The following CROCC variants were observed in gnomAD, a reference collection of about 807,000 sequenced individuals.
The protein encoded by CROCC is ciliary rootlet coiled-coil, rootletin.
A neutral mutation model predicts 245.2 loss-of-function variants in CROCC; 180 were observed. That is an observed-to-expected ratio of 0.73 (90% confidence interval 0.65 to 0.83). CROCC has a LOEUF of 0.83. Among genes scored for constraint, CROCC ranks in the 40% least tolerant of loss-of-function variants. CROCC has a pLI of 0.00. For missense variants in CROCC, 2,688 were observed against 2,779.4 expected, an observed-to-expected ratio of 0.97 and a Z score of 0.74; for synonymous variants, 1,205 against 1,241.6, an observed-to-expected ratio of 0.97 and a Z score of 0.62.
At chr1:16,932,296 C>T (rs1157447108) in intron 8 of CROCC, among the ~76,000 whole-genome samples, 4 of 152,314 alleles carry the variant, frequency 2.6e-5, no homozygotes, top group East Asian at 1.9e-4. Context: ...CAAAATTAGC[C>T]GGGCATAGTG....
chr1:16,938,159 T>G (rs1352556017), intron 10 of CROCC, among the ~76,000 whole-genome samples: 4 of 152,224 alleles, frequency 2.6e-5, no homozygotes, highest in African/African-American at 9.6e-5. Flanking sequence ...GGGCCTGGCC[T>G]GGGTTCTAGG....
Position 16,966,032 on chromosome 1 carries a change from C to G in CROCC, c.4609C>G (p.Arg1537Gly). ...ELRTQTSALN[R>G]QLAEMEAERD... ...TCGGACCCAGACCAGTGCCCTGAAT[C>G]GCCAGCTGGCCGAGATGGAGGCTGA... The change falls in exon 29 of 37, where the codon CGC becomes GGC. Residue 1537 changes from arginine to glycine, a missense_variant. Transcript: ENST00000375541. This position sits in a 1 kb window ranked among gnomAD's most constrained non-coding sequence, Gnocchi z 4.8. 1 of 1,613,852 alleles carries G rather than the reference C, an allele frequency of 6.2e-7. No homozygotes were observed. The highest frequency in any genetic ancestry group is 8.5e-7 in the Non-Finnish European group (1 of 1,179,820).
intron 20 of CROCC, among the ~76,000 whole-genome samples, chr1:16,952,638 ACTC>A (rs112619228): frequency 6.6e-5 from 10 of 151,936 alleles, no homozygotes; most frequent in African/African-American, 1.9e-4. Flanking sequence ...AGGGATCTGA[ACTC>A]CTGTGACCTC....
At chr1:16,967,871 G>A (rs948604664) in intron 30 of CROCC, among the ~76,000 whole-genome samples, 1 of 152,184 alleles carries the variant, frequency 6.6e-6, no homozygotes, top group African/African-American at 2.4e-5. Flanking sequence ...CAGGGCTCCT[G>A]TGAGCACCCA....
At chr1:16,949,639 T>C (rs1411258135) in intron 19 of CROCC, among the ~76,000 whole-genome samples, 1 of 152,224 alleles carries the variant, frequency 6.6e-6, no homozygotes, top group Admixed American at 6.5e-5. Flanking sequence ...TGAGCCTCCA[T>C]TTCATCATCT....
chr1:16,940,462 C>T (rs1215432999), intron 13 of CROCC, among the ~76,000 whole-genome samples: 7 of 152,124 alleles, frequency 4.6e-5, no homozygotes, highest in Admixed American at 1.3e-4. Flanking sequence ...GATCTTGGCT[C>T]ATTGCATCCT....
intron 18 of CROCC, 45 bp downstream of exon 18, chr1:16,948,569 G>A (rs769618017): frequency 6.7e-7 from 1 of 1,486,174 alleles, no homozygotes; most frequent in East Asian, 2.5e-5. Flanking sequence ...GGGTCCTCCT[G>A]GGGCCACACC....
chr1:16,914,182 C>A (rs2075280143), intron 1 of CROCC, among the ~76,000 whole-genome samples: 1 of 151,648 alleles, frequency 6.6e-6, no homozygotes, highest in South Asian at 2.1e-4. Context: ...GGGACGGACG[C>A]GCTCCCGGCG....
intron 1 of CROCC, among the ~76,000 whole-genome samples, chr1:16,922,387 T>G (rs2075427896): frequency 6.6e-6 from 1 of 152,274 alleles, no homozygotes; most frequent in Non-Finnish European, 1.5e-5. Flanking sequence ...GGAACCGGAT[T>G]GGGGCCCCCA....
intron 3 of CROCC, among the ~76,000 whole-genome samples, chr1:16,926,149 C>G (rs183581941): frequency 6.6e-6 from 1 of 152,258 alleles, no homozygotes; most frequent in African/African-American, 2.4e-5. Flanking sequence ...CCAAATGGCA[C>G]GCAGAGGGCG....
chr1:16,942,323 T>C (rs1469222290), intron 13 of CROCC, among the ~76,000 whole-genome samples: 1 of 152,280 alleles, frequency 6.6e-6, no homozygotes, highest in African/African-American at 2.4e-5. Context: ...AGACAAGAAA[T>C]TATCCACTTC....
At chr1:16,938,138 C>T (rs2075833286) in intron 10 of CROCC, among the ~76,000 whole-genome samples, 1 of 150,164 alleles carries the variant, frequency 6.7e-6, no homozygotes, top group South Asian at 2.2e-4. Context: ...GTTTGGTCAC[C>T]CCTCTGTGTG....
chr1:16,925,933 G>C (rs567518338), intron 3 of CROCC, among the ~76,000 whole-genome samples: 2 of 152,228 alleles, frequency 1.3e-5, no homozygotes, highest in Non-Finnish European at 2.9e-5. Flanking sequence ...CTTTCTTTTG[G>C]TCCATGCATG....
chr1:16,935,214 G>C (rs2075762084), intron 8 of CROCC, among the ~76,000 whole-genome samples: 1 of 152,156 alleles, frequency 6.6e-6, no homozygotes, highest in African/African-American at 2.4e-5. Context: ...AGTTTCTTAA[G>C]TGACCTTCCA....
intron 3 of CROCC, among the ~76,000 whole-genome samples, chr1:16,927,789 C>G (rs559689648): frequency 2.0e-5 from 3 of 152,274 alleles, no homozygotes; most frequent in Non-Finnish European, 4.4e-5. Context: ...TTGGCACAGA[C>G]GCTTGACAGG....
chr1:16,921,851 A>G (rs2075412556), upstream of CROCC: 4 of 658,896 alleles, frequency 6.1e-6, no homozygotes, highest in Admixed American at 8.3e-5. Context: ...CTCCCTCCTC[A>G]GCCCACATCC....
rs770101808 is a variant in CROCC at position 16,922,722 on chromosome 1, G to A, written c.120G>A (p.Gln40=). The change falls in exon 2 of 37, where the codon CAG becomes CAA. Residue 40 remains glutamine (Q), a synonymous_variant. Coordinates refer to ENST00000375541, the MANE Select transcript of CROCC (RefSeq NM_014675.5). ...EKGLGARDLA[Q]DAQITSLPAL... ...GCTTGGGCGCGCGGGACCTGGCCCA[G>A]GACGCTCAGATCACCAGCCTGCCTG... The A allele has an allele frequency of 2.8e-5, 45 of 1,613,756 alleles. No individual in the cohort carries two copies. The highest frequency in any genetic ancestry group is 3.6e-5 in the Non-Finnish European group (43 of 1,180,018).
rs565518725 is a variant in CROCC, at chr1:16,939,062, G to C, written c.1528G>C (p.Gly510Arg). Residue 510 changes from glycine to arginine, a missense_variant, in exon 12 of 37, where the codon GGC becomes CGC. Transcript: ENST00000375541. ...SPGRGRSPRR[G>R]PSPACSDSST... ...CGGCCGAGGCCGTTCACCCCGCCGA[G>C]GCCCCTCCCCGGCCTGCTCAGACTC... 95 of 1,588,918 alleles carry C rather than the reference G, an allele frequency of 6.0e-5. No homozygotes were observed. The highest frequency in any genetic ancestry group is 8.5e-6 in the Non-Finnish European group (10 of 1,171,918).
At chr1:16,925,921 C>T (rs572059259) in intron 3 of CROCC, among the ~76,000 whole-genome samples, 1 of 152,262 alleles carries the variant, frequency 6.6e-6, no homozygotes, top group East Asian at 1.9e-4. Flanking sequence ...AGCCAGGCAC[C>T]CCTTTCTTTT....
Sources: allele counts gnomAD v4.1 joint callset (sites outside exome capture counted in the v4.1 genomes callset), GRCh38; gene constraint gnomAD v4.1.1; non-coding constraint Gnocchi (gnomAD v3.1); transcripts MANE v1.5; gene names NCBI Gene and HGNC (gene_info 2026-07-23, HGNC 2026-07-21).